Variants in ANK2 observed in about 807,000 individuals in gnomAD.
ANK2 encodes ankyrin-2.
Under a neutral mutation model 360.5 loss-of-function variants are expected in ANK2, and 83 were observed. The ratio of observed to expected loss-of-function variants is 0.23; its 90% CI spans 0.19 to 0.28. ANK2 has a LOEUF of 0.28. Among genes scored for constraint, ANK2 ranks in the 10% least tolerant of loss-of-function variants. The pLI is 1.00. For missense variants in ANK2, 4,201 were observed against 4,795.7 expected, an observed-to-expected ratio of 0.88 and a Z score of 3.66; for synonymous variants, 1,740 against 1,759.5, an observed-to-expected ratio of 0.99 and a Z score of 0.28.
chr4:112,728,030 C>T, the ANK2 span, among the ~76,000 whole-genome samples: 2 of 151,286 alleles, frequency 1.3e-5, no homozygotes, highest in African/African-American at 4.9e-5. Flanking sequence ...TGCGGTGGCT[C>T]ATGCCTGCAA....
intron 24 of ANK2, 99 bp from the exon 25 acceptor site, chr4:113,317,608 T>C (rs1398458118): frequency 5.4e-5 from 48 of 881,586 alleles, no homozygotes; most frequent in Non-Finnish European, 8.1e-5. Context: ...TGTTAGCTAA[T>C]AGCACGCTTT....
At chr4:112,908,095 A>T (rs189022999) in intron 2 of ANK2, among the ~76,000 whole-genome samples, 1 of 152,232 alleles carries the variant, frequency 6.6e-6, no homozygotes, top group Non-Finnish European at 1.5e-5. Context: ...CAAGAAAACC[A>T]TACTTTTATG....
At chr4:112,784,413 AG>A in the ANK2 span, among the ~76,000 whole-genome samples, 1 of 136,626 alleles carries the variant, frequency 7.3e-6, no homozygotes, top group African/African-American at 2.7e-5. Context: ...GCCGGAGTGC[AG>A]TGGCGCGATC....
chr4:112,774,015 G>C, the ANK2 span, among the ~76,000 whole-genome samples: 1 of 151,720 alleles, frequency 6.6e-6, no homozygotes, highest in African/African-American at 2.4e-5. Context: ...TGGACAGACT[G>C]GTCTTGAACT....
chr4:112,989,243 A>G (rs1249348610), intron 2 of ANK2, among the ~76,000 whole-genome samples: 1 of 152,178 alleles, frequency 6.6e-6, no homozygotes, highest in Non-Finnish European at 1.5e-5. Context: ...ATAATGTAAT[A>G]TAGCTGAAAC....
At chr4:112,883,018 C>CTTTTTTTTTTTTTTTTTTTTTTTT (rs536262490) in intron 1 of ANK2, among the ~76,000 whole-genome samples, 5 of 30,526 alleles carry the variant, frequency 1.6e-4, no homozygotes, top group African/African-American at 3.1e-4. Flanking sequence ...CTTGGTTAGT[C>CTTTTTTTTTTTTTTTTTTTTTTTT]TTTTTTTTTT....
At chr4:112,895,969 A>G (rs2081614219) in intron 1 of ANK2, among the ~76,000 whole-genome samples, 1 of 152,224 alleles carries the variant, frequency 6.6e-6, no homozygotes, top group Non-Finnish European at 1.5e-5. Flanking sequence ...ATTGTGTTGC[A>G]TTTGTGAGTC....
intron 1 of ANK2, among the ~76,000 whole-genome samples, chr4:112,850,979 C>T (rs954634900): frequency 4.6e-5 from 7 of 152,042 alleles, no homozygotes; most frequent in Non-Finnish European, 1.0e-4. Context: ...TCAGCAACAC[C>T]ATGTATGATT....
chr4:113,161,178 G>A (rs1562517886), intron 1 of ANK2, among the ~76,000 whole-genome samples: 1 of 152,184 alleles, frequency 6.6e-6, no homozygotes, highest in Non-Finnish European at 1.5e-5. Context: ...CTCTAGAGTT[G>A]ATGCCAGTAC....
At chr4:112,898,639 A>G (rs1021505740) in intron 1 of ANK2, among the ~76,000 whole-genome samples, 1 of 152,130 alleles carries the variant, frequency 6.6e-6, no homozygotes, top group Non-Finnish European at 1.5e-5. Context: ...ATTCCTTCAA[A>G]TAAAAATTCT....
chr4:113,192,502 A>G (rs1448740856), intron 2 of ANK2, among the ~76,000 whole-genome samples: 1 of 152,182 alleles, frequency 6.6e-6, no homozygotes, highest in Non-Finnish European at 1.5e-5. Flanking sequence ...TGACCCGTTT[A>G]TGCATCGTGA....
At chr4:112,762,212 C>T in the ANK2 span, among the ~76,000 whole-genome samples, 1 of 152,114 alleles carries the variant, frequency 6.6e-6, no homozygotes, top group African/African-American at 2.4e-5. Flanking sequence ...ATTGATTACT[C>T]AAGTTAAAAC....
intron 2 of ANK2, among the ~76,000 whole-genome samples, chr4:112,960,604 T>A (rs2034296742): frequency 6.6e-6 from 1 of 152,188 alleles, no homozygotes. Flanking sequence ...CAAATTAGAT[T>A]GTATTTAATT....
intron 1 of ANK2, among the ~76,000 whole-genome samples, chr4:112,864,181 A>G (rs774034850): frequency 2.9e-4 from 44 of 152,242 alleles, no homozygotes; most frequent in Admixed American, 6.5e-4. Context: ...TGGTTAATGC[A>G]TGAATAAAAT....
At chr4:113,268,494 T>C (rs1006660650) in intron 14 of ANK2, among the ~76,000 whole-genome samples, 2 of 152,218 alleles carry the variant, frequency 1.3e-5, no homozygotes, top group African/African-American at 2.4e-5. Flanking sequence ...TTTCTACATC[T>C]ATTGAGATTA....
chr4:113,318,539 C>G lies in ANK2; in HGVS notation c.2819C>G (p.Ala940Gly), dbSNP rs537484483. ...SHQVSTLAKE[A>G]ERNSYRLSWG... ...TAGGTGTCAACTCTAGCCAAGGAGG[C>G]AGAAAGGAATTCTTATCGCCTAAGC... is the stretch of plus-strand genomic sequence containing the variant. The change falls in exon 26 of 46, where the codon GCA (alanine) becomes GGA (glycine). Residue 940 changes from alanine to glycine, a missense_variant. Coordinates refer to ENST00000357077, the MANE Select transcript of ANK2 (RefSeq NM_001148.6). The G allele has an allele frequency of 3.3e-4, 529 of 1,613,734 alleles. 2 individuals carry two copies. In the South Asian group the frequency reaches 5.5e-3, roughly 17 times the overall value.
the ANK2 span, among the ~76,000 whole-genome samples, chr4:112,774,474 C>T: frequency 1.3e-5 from 2 of 152,098 alleles, no homozygotes; most frequent in African/African-American, 2.4e-5. Flanking sequence ...TGCAGTGAGC[C>T]GAGATCGCGC....
At position 113,232,239 on chromosome 4, in the gene ANK2, A is replaced by G; in HGVS notation, c.463A>G (p.Asn155Asp). ...VVKYLLENGA[N>D]QSTATEDGFT... ...AAAATATTTGCTGGAAAATGGAGCT[A>G]ATCAGAGCACTGCTACAGAGGTAAG... The change falls in exon 5 of 46, where the codon AAT becomes GAT. Residue 155 changes from asparagine (N) to aspartate (D), a missense_variant. Physicochemically the swap from Asn to Asp is conservative, Grantham distance 23. Transcript: ENST00000357077. 6.3e-7 allele frequency: 1 copy of G among 1,596,516 alleles called. No individual in the cohort carries two copies.
the ANK2 span, among the ~76,000 whole-genome samples, chr4:112,810,510 T>G: frequency 6.6e-6 from 1 of 152,116 alleles, no homozygotes; most frequent in Non-Finnish European, 1.5e-5. Flanking sequence ...GGCTCATATT[T>G]CTCTGTTAGT....
Sources: allele counts gnomAD v4.1 joint callset (sites outside exome capture counted in the v4.1 genomes callset), GRCh38; gene constraint gnomAD v4.1.1; transcripts MANE v1.5; gene names NCBI Gene and HGNC (gene_info 2026-07-23, HGNC 2026-07-21).